Variants in PTPRG observed in about 807,000 individuals in gnomAD.
PTPRG encodes receptor-type tyrosine-protein phosphatase gamma.
In PTPRG, 102 loss-of-function variants were observed where a neutral mutation model predicts 165.3. That is an observed-to-expected ratio of 0.62 (90% CI 0.53 to 0.73). The LOEUF (loss-of-function observed/expected upper bound fraction) is 0.73, where lower values mean the gene tolerates loss of function less well. Ranked by LOEUF, PTPRG falls within the 30% of genes least tolerant of loss-of-function variation. The probability of loss-of-function intolerance (pLI) is 0.00; values close to 1 mark genes in which losing one functional copy is unlikely to be tolerated. For missense variants in PTPRG, 1,866 were observed against 1,861.4 expected, an observed-to-expected ratio of 1.00 and a Z score of -0.05; for synonymous variants, 675 against 669.5, an observed-to-expected ratio of 1.01 and a Z score of -0.13.
rs1553648156 is a variant in PTPRG at position 61,676,471 on chromosome 3, A to AAAAG, written c.86-72403_86-72400dup. Among the ~76,000 whole-genome samples, 210 of 99,102 alleles carry AAAAG rather than the reference A, an allele frequency of 2.1e-3. 27 individuals are homozygous for AAAAG. The highest frequency in any genetic ancestry group is 0.012 in the Middle Eastern group (2 of 162). The allele number at this position is 99,102 out of a possible 152,430, so 65.0% of individuals were successfully genotyped here. On this transcript the variant is annotated intron_variant, in intron 1 of 29. Coordinates refer to ENST00000474889, the MANE Select transcript of PTPRG (RefSeq NM_002841.4). ...GACTCCATCTCAAAAAAAAAAAAAA[A>AAAAG]AAAGAAAATTACTAAAGTCTGTGAA...
chr3:61,929,769 G>A (rs1454115445), intron 2 of PTPRG, among the ~76,000 whole-genome samples: 1 of 152,222 alleles, frequency 6.6e-6, no homozygotes, highest in Non-Finnish European at 1.5e-5. Context: ...GCAAGAGCGA[G>A]CAGTGGGTTC....
At chr3:61,829,874 G>T (rs2036224116) in intron 2 of PTPRG, among the ~76,000 whole-genome samples, 1 of 152,170 alleles carries the variant, frequency 6.6e-6, no homozygotes, top group African/African-American at 2.4e-5. Context: ...GTATTTTGGA[G>T]GAAGAGGTTG....
intron 5 of PTPRG, among the ~76,000 whole-genome samples, chr3:62,116,752 C>T (rs1293935351): frequency 1.3e-5 from 2 of 152,152 alleles, no homozygotes; most frequent in Admixed American, 1.3e-4. Context: ...GTTTATGTTA[C>T]ACCTCAATGA....
intron 2 of PTPRG, among the ~76,000 whole-genome samples, chr3:61,823,486 C>T (rs68091840): frequency 0.068 from 10,288 of 151,724 alleles, 464 homozygotes; most frequent in Middle Eastern, 0.11. Flanking sequence ...CAGGCCTGGC[C>T]GCACAGGGGT....
chr3:61,833,154 T>A (rs1354009129), intron 2 of PTPRG, among the ~76,000 whole-genome samples: 1 of 152,076 alleles, frequency 6.6e-6, no homozygotes, highest in Non-Finnish European at 1.5e-5. Flanking sequence ...TCCTTCTTTT[T>A]ATTTGAAGGG....
In PTPRG at chr3:62,172,890, G is replaced by T. The variant is rs555197637; in HGVS notation, c.1033+4727G>T. Among the ~76,000 whole-genome samples, 9 of 152,312 alleles carry T rather than the reference G, an allele frequency of 5.9e-5. No individual in the cohort carries two copies. The East Asian group carries it at 1.7e-3, about 29-fold the overall frequency. ...TGTTTTATGCATTCATCGGGCTGTTGTCACAGAAGAAGGAAAAATAAATTA... is the reference window on the plus strand; with the variant it reads ...TGTTTTATGCATTCATCGGGCTGTTTTCACAGAAGAAGGAAAAATAAATTA... On this transcript the variant is annotated intron_variant, in intron 8 of 29. Coordinates refer to ENST00000474889, the MANE Select transcript of PTPRG (RefSeq NM_002841.4).
intron 8 of PTPRG, among the ~76,000 whole-genome samples, chr3:62,187,686 C>T (rs1197628836): frequency 6.6e-6 from 1 of 152,192 alleles, no homozygotes; most frequent in Non-Finnish European, 1.5e-5. Flanking sequence ...ATTCTAGGCC[C>T]TCCTAGTACT....
intron 1 of PTPRG, among the ~76,000 whole-genome samples, chr3:61,630,809 G>T (rs1023237195): frequency 3.3e-5 from 5 of 152,102 alleles, no homozygotes; most frequent in Non-Finnish European, 7.4e-5. Context: ...TGTAATCCCA[G>T]CACTTTGGGA....
chr3:62,087,378 T>C (rs977360180), intron 5 of PTPRG, among the ~76,000 whole-genome samples: 2 of 152,206 alleles, frequency 1.3e-5, no homozygotes, highest in African/African-American at 4.8e-5. Flanking sequence ...TAAAGCACTT[T>C]ATATTCACAA....
intron 2 of PTPRG, among the ~76,000 whole-genome samples, chr3:61,918,780 A>G (rs994735239): frequency 6.6e-6 from 1 of 152,134 alleles, no homozygotes; most frequent in Non-Finnish European, 1.5e-5. Flanking sequence ...AGGGATTTAA[A>G]CCATTTCTCG....
Position 62,282,759 on chromosome 3 carries a change from G to A in PTPRG, c.3945G>A (p.Gln1315=), listed in dbSNP as rs765823872. Residue 1315 remains glutamine (Q), a synonymous_variant, in exon 28 of 30, where the codon CAG becomes CAA. Coordinates refer to ENST00000474889, the MANE Select transcript of PTPRG (RefSeq NM_002841.4). ...ATGTCTTAGAAGTTCGGCACTTTCA[G>A]TGTCCCAAATGGCCTAACCCAGATG... The part of the protein sequence containing the change: ...DDYVLEVRHF[Q]CPKWPNPDAP... 4.3e-6 allele frequency: 7 copies of A among 1,612,258 alleles called. No homozygotes were observed. The African/African-American group carries it at 8.0e-5, about 18-fold the overall frequency.
chr3:61,996,143 TAG>T lies in PTPRG; in HGVS notation c.370+6341_370+6342del, dbSNP rs531634223. Among the ~76,000 whole-genome samples, 6 of 152,264 alleles carry T rather than the reference TAG, an allele frequency of 3.9e-5. No individual in the cohort carries two copies. In the East Asian group the frequency reaches 1.2e-3, roughly 29 times the overall value. On this transcript the variant is annotated intron_variant, in intron 3 of 29. Transcript: ENST00000474889. Reference sequence around the variant, plus strand: ...GTTTTTATTTGTTGTATCTGTGGAGTAGATTTTGATATTGACAATAATAACCT... The same window carrying T: ...GTTTTTATTTGTTGTATCTGTGGAGTATTTTGATATTGACAATAATAACCT...
intron 2 of PTPRG, among the ~76,000 whole-genome samples, chr3:61,802,570 A>T (rs2035281800): frequency 6.6e-6 from 1 of 152,252 alleles, no homozygotes; most frequent in Admixed American, 6.5e-5. Context: ...TCATTAGGAT[A>T]ACTGTATGCA....
chr3:61,811,562 C>T (rs1057468972), intron 2 of PTPRG, among the ~76,000 whole-genome samples: 1 of 152,148 alleles, frequency 6.6e-6, no homozygotes, highest in Non-Finnish European at 1.5e-5. Flanking sequence ...ATGTAACTTG[C>T]CCTCCATTTG....
intron 2 of PTPRG, chr3:61,770,741 G>T (rs1213628021): frequency 6.6e-6 from 1 of 152,052 alleles, no homozygotes; most frequent in Non-Finnish European, 1.5e-5. Flanking sequence ...TAATTTAATA[G>T]CTGTTATTTT....
chr3:62,062,136 C>T (rs550241716), intron 4 of PTPRG, among the ~76,000 whole-genome samples: 1 of 151,782 alleles, frequency 6.6e-6, no homozygotes, highest in East Asian at 2.0e-4. Context: ...CCCATCTCTA[C>T]TAAAAATATA....
intron 4 of PTPRG, among the ~76,000 whole-genome samples, chr3:62,028,284 ATATTCT>A (rs1038318464): frequency 4.6e-5 from 7 of 152,074 alleles, no homozygotes; most frequent in Non-Finnish European, 8.8e-5. Flanking sequence ...ACTCTGGAAA[ATATTCT>A]TATGTTTCTG....
At chr3:61,637,602 G>A (rs997828689) in intron 1 of PTPRG, among the ~76,000 whole-genome samples, 5 of 152,170 alleles carry the variant, frequency 3.3e-5, no homozygotes, top group Non-Finnish European at 7.3e-5. Context: ...AGTTTCAGAC[G>A]GAAGCGAAGT....
chr3:62,089,838 G>C (rs186781474), intron 5 of PTPRG, among the ~76,000 whole-genome samples: 2 of 152,276 alleles, frequency 1.3e-5, no homozygotes, highest in Admixed American at 1.3e-4. Context: ...TAGGTCTTGC[G>C]TATTTAGAAT....
Sources: gnomAD v4.1 joint callset for allele counts (sites outside exome capture counted in the v4.1 genomes callset) on GRCh38, gnomAD v4.1.1 for gene constraint, MANE v1.5 for transcripts, NCBI Gene and HGNC (gene_info 2026-07-23, HGNC 2026-07-21) for gene names.